Variants in MCTP1 observed in about 807,000 individuals in gnomAD.
MCTP1 encodes the protein multiple C2 and transmembrane domain-containing protein 1.
In MCTP1, 69 loss-of-function variants were observed where a neutral mutation model predicts 120.6. That is an observed-to-expected ratio of 0.57 (90% CI 0.47 to 0.70). The LOEUF (loss-of-function observed/expected upper bound fraction) is 0.70, where lower values mean the gene tolerates loss of function less well. Ranked by LOEUF, MCTP1 falls within the 30% of genes least tolerant of loss-of-function variation. MCTP1 has a pLI of 0.00. For missense variants in MCTP1, 1,203 were observed against 1,248.8 expected (o/e 0.96, Z 0.55); for synonymous variants, 529 against 493.1 (o/e 1.07, Z -0.96).
At chr5:95,118,142 A>G (rs113788383) in intron 1 of MCTP1, among the ~76,000 whole-genome samples, 7,408 of 152,270 alleles carry the variant, frequency 0.049, 636 homozygotes, top group African/African-American at 0.17. Flanking sequence ...CTGTGTAACA[A>G]ACCTGCACAT....
chr5:94,954,033 CAA>C (rs869096592), intron 2 of MCTP1, among the ~76,000 whole-genome samples: 5 of 62,892 alleles, frequency 8.0e-5, no homozygotes, highest in Admixed American at 6.0e-4. Context: ...CATATATATA[CAA>C]ATATATATAT....
At chr5:94,974,642 T>C (rs184885169) in intron 2 of MCTP1, among the ~76,000 whole-genome samples, 1 of 152,158 alleles carries the variant, frequency 6.6e-6, no homozygotes, top group Admixed American at 6.6e-5. Context: ...AAAAAGCCTA[T>C]AATTAATTAC....
chr5:95,261,864 AAGG>A (rs1025913946), intron 1 of MCTP1, among the ~76,000 whole-genome samples: 37 of 152,352 alleles, frequency 2.4e-4, no homozygotes, highest in African/African-American at 8.4e-4. Flanking sequence ...GATTGGACAG[AAGG>A]AGAAGTTAAC....
At chr5:94,940,614 ATG>A (rs1329620801) in intron 4 of MCTP1, among the ~76,000 whole-genome samples, 1 of 146,316 alleles carries the variant, frequency 6.8e-6, no homozygotes, top group Non-Finnish European at 1.5e-5. Context: ...ATACATATAT[ATG>A]TGTATATATA....
Position 95,284,335 on chromosome 5 carries a change from A to G in MCTP1, c.241T>C (p.Phe81Leu). The G allele has an allele frequency of 6.3e-7, 1 of 1,597,072 alleles. No homozygotes were observed. Among genetic ancestry groups the G allele is most frequent in the Non-Finnish European group, 8.5e-7 (1 of 1,179,288 alleles). ...GSGAGSRWSG[F>L]KKRKQVLDRV... ...TCCAGCACTTGCTTCCGCTTCTTGA[A>G]GCCGCTCCACCTGCTGCCTGCACCA... The change falls in exon 1 of 23, where the codon TTC becomes CTC. Residue 81 changes from phenylalanine (F) to leucine (L), a missense_variant. Physicochemically the swap from Phe to Leu is conservative, Grantham distance 22 (BLOSUM62 0). Around this residue, in one of 2 missense-constraint regions of MCTP1, gnomAD observed 463 missense variants for 377.8 expected, o/e 1.23. Coordinates refer to ENST00000515393, the MANE Select transcript of MCTP1 (RefSeq NM_024717.7). The surrounding 1 kb of genome is among the most constrained non-coding windows in gnomAD (Gnocchi z 5.2).
intron 1 of MCTP1, among the ~76,000 whole-genome samples, chr5:95,181,540 C>A (rs1030896408): frequency 3.5e-4 from 54 of 152,136 alleles, no homozygotes; most frequent in Non-Finnish European, 4.7e-4. Flanking sequence ...CATTTTCCTT[C>A]ATAAAAATTA....
chr5:94,710,960 GTACTTCATACTTTT>G (rs761257086), intron 20 of MCTP1, 33 bp from the exon 21 acceptor site: 1 of 1,402,998 alleles, frequency 7.1e-7, no homozygotes, highest in African/African-American at 1.4e-5. Flanking sequence ...AGCAATCTGA[GTACTTCATACTTTT>G]TTCAAATATT....
At chr5:95,036,525 T>C (rs753486106) in intron 1 of MCTP1, among the ~76,000 whole-genome samples, 1 of 152,182 alleles carries the variant, frequency 6.6e-6, no homozygotes, top group Non-Finnish European at 1.5e-5. Context: ...AACTCTATAG[T>C]GTTCCCCTTT....
At chr5:95,169,991 A>C (rs1399909779) in intron 1 of MCTP1, among the ~76,000 whole-genome samples, 1 of 151,942 alleles carries the variant, frequency 6.6e-6, no homozygotes, top group East Asian at 1.9e-4. Flanking sequence ...TAGTTCTTTT[A>C]ATTGTGATGT....
At chr5:95,014,948 A>C (rs751321640) in intron 2 of MCTP1, among the ~76,000 whole-genome samples, 4 of 152,188 alleles carry the variant, frequency 2.6e-5, no homozygotes, top group Non-Finnish European at 4.4e-5. Flanking sequence ...ATCAGTCAGC[A>C]GCCATCAACA....
At chr5:94,876,924 A>G (rs1465086002) in intron 12 of MCTP1, among the ~76,000 whole-genome samples, 1 of 152,120 alleles carries the variant, frequency 6.6e-6, no homozygotes, top group African/African-American at 2.4e-5. Context: ...AATTATAAGT[A>G]TGATTAAGAC....
intron 1 of MCTP1, among the ~76,000 whole-genome samples, chr5:95,210,367 G>T (rs1752196179): frequency 6.6e-6 from 1 of 150,456 alleles, no homozygotes; most frequent in African/African-American, 2.4e-5. Context: ...CCTGTATTGG[G>T]TGCATATATA....
rs192661259 is a variant in MCTP1, at chr5:94,766,543, G to T, written c.2610+12567C>A. 2.6e-4 allele frequency among the ~76,000 whole-genome samples: 39 copies of T among 152,122 alleles called. No individual in the cohort carries two copies. The East Asian group carries it at 6.4e-3, about 25-fold the overall frequency. ...GTCATGGGGTTGGGGGAGGGAGGAGGGATAGCATTAGGAGATATACCTAAT... is the reference window on the plus strand; with the variant it reads ...GTCATGGGGTTGGGGGAGGGAGGAGTGATAGCATTAGGAGATATACCTAAT... On this transcript the variant is annotated intron_variant, in intron 19 of 22. Transcript: ENST00000515393.
At chr5:95,273,104 T>A (rs994258982) in intron 1 of MCTP1, among the ~76,000 whole-genome samples, 30 of 152,278 alleles carry the variant, frequency 2.0e-4, no homozygotes, top group Non-Finnish European at 3.5e-4. Flanking sequence ...GCAACTGTTC[T>A]GTGGTGACCC....
rs570482727 is a variant in MCTP1 at position 94,829,216 on chromosome 5, G to T, written c.2437-30084C>A. ...GTCCCTCATGGCTTCCCTTGACTAG[G>T]GGAGGGAGTTCCCCAACCCCTTGTG... On this transcript the variant is annotated intron_variant, in intron 17 of 22. Transcript: ENST00000515393. Among the ~76,000 whole-genome samples the T allele has an allele frequency of 2.0e-5, 3 of 152,268 alleles. No homozygotes were observed. The East Asian group carries it at 5.8e-4, about 29-fold the overall frequency.
At chr5:95,140,599 C>T (rs1470289995) in intron 1 of MCTP1, among the ~76,000 whole-genome samples, 1 of 150,314 alleles carries the variant, frequency 6.7e-6, no homozygotes, top group Admixed American at 6.7e-5. Context: ...TGGCTCACGC[C>T]TGTAATCCCA....
At chr5:94,736,641 C>G (rs1272514302) in intron 19 of MCTP1, among the ~76,000 whole-genome samples, 1 of 152,106 alleles carries the variant, frequency 6.6e-6, no homozygotes, top group African/African-American at 2.4e-5. Context: ...AAAATGCCAG[C>G]CTCTTTCACA....
At chr5:95,116,461 T>C (rs181554696) in intron 1 of MCTP1, among the ~76,000 whole-genome samples, 1 of 152,294 alleles carries the variant, frequency 6.6e-6, no homozygotes, top group East Asian at 1.9e-4. Flanking sequence ...TGAAGTTAGG[T>C]AGCATGATGC....
At chr5:95,074,465 C>T (rs1453848384) in intron 1 of MCTP1, among the ~76,000 whole-genome samples, 1 of 152,186 alleles carries the variant, frequency 6.6e-6, no homozygotes, top group Non-Finnish European at 1.5e-5. Flanking sequence ...AATCAATTGT[C>T]ATTTGTTTTG....
Sources: allele counts gnomAD v4.1 joint callset (sites outside exome capture counted in the v4.1 genomes callset), GRCh38; gene constraint gnomAD v4.1.1; regional missense constraint gnomAD v4.1.1; non-coding constraint Gnocchi (gnomAD v3.1); transcripts MANE v1.5; gene names NCBI Gene and HGNC (gene_info 2026-07-23, HGNC 2026-07-21).